The following SLC9A3 variants were observed in gnomAD, a reference collection of about 807,000 sequenced individuals.
SLC9A3 encodes the protein solute carrier family 9 member A3.
Under a neutral mutation model 86.8 loss-of-function variants are expected in SLC9A3, and 37 were observed. That is an observed-to-expected ratio of 0.43 (90% CI 0.33 to 0.56). The LOEUF is 0.56. Among genes scored for constraint, SLC9A3 ranks in the 20% least tolerant of loss-of-function variants. SLC9A3 has a pLI of 0.06. For synonymous variants in SLC9A3, 581 were observed against 528.3 expected (o/e 1.10, Z -1.37); for missense variants, 1,011 against 1,171.9 (o/e 0.86, Z 2.00).
At position 473,370 on chromosome 5, in the gene SLC9A3, G is replaced by A; in HGVS notation, c.*9C>T. On this transcript the variant is annotated 3_prime_UTR_variant, in exon 17 of 17. Transcript: ENST00000264938. ...CGAGCGGCCGGTTAGCGGCGTGTCG[G>A]AGCCGGTGTCACCTGCGGGAGAGGA... 7.0e-7 allele frequency: 1 copy of A among 1,419,044 alleles called. No individual in the cohort carries two copies. The highest frequency in any genetic ancestry group is 3.1e-5 in the East Asian group (1 of 32,404). 87.9% of individuals were successfully genotyped at this position (1,419,044 alleles called of 1,614,324 possible).
At position 471,969 on chromosome 5, in the gene SLC9A3, AAACGTG is replaced by A; in HGVS notation, c.*1404_*1409del. On this transcript the variant is annotated 3_prime_UTR_variant, in exon 17 of 17. Transcript: ENST00000264938. ...CTGGTGACTGTCAACACTTGATCTG[AAACGTG>A]AATAGTTTAATTTTCCTGAGCAAGG... 2.2e-6 allele frequency: 1 copy of A among 456,682 alleles called. No homozygotes were observed. The highest frequency in any genetic ancestry group is 2.3e-5 in the Admixed American group (1 of 42,584). 28.3% of individuals were successfully genotyped at this position (456,682 alleles called of 1,614,324 possible). A position where few individuals can be genotyped will look rare whatever the true frequency, so the allele number is the denominator to read the frequency against.
Position 484,772 on chromosome 5 carries a change from G to A in SLC9A3, c.755-75C>T, listed in dbSNP as rs112044208. 212 of 1,468,332 alleles carry A rather than the reference G, an allele frequency of 1.4e-4. No individual in the cohort carries two copies. The African/African-American group carries it at 2.2e-3, about 15-fold the overall frequency. The allele number at this position is 1,468,332 out of a possible 1,614,324, so 91.0% of individuals were successfully genotyped here. A position where few individuals can be genotyped will look rare whatever the true frequency, so the allele number is the denominator to read the frequency against. On this transcript the variant is annotated intron_variant, in intron 4 of 16. Coordinates refer to ENST00000264938, the MANE Select transcript of SLC9A3 (RefSeq NM_004174.4). ...TTGCCAGGGGCCGCCTGGTGACCCCGCGGAAGTGCCGGGAGCCCGGGAAAC... is the reference window on the plus strand; with the variant it reads ...TTGCCAGGGGCCGCCTGGTGACCCCACGGAAGTGCCGGGAGCCCGGGAAAC...
At chr5:489,852 C>T (rs990169708) in intron 2 of SLC9A3, among the ~76,000 whole-genome samples, 89 of 152,338 alleles carry the variant, frequency 5.8e-4, no homozygotes, top group Non-Finnish European at 2.6e-4. Flanking sequence ...TGCCCACGGC[C>T]GTGCCAGGAG....
Position 475,050 on chromosome 5 carries a change from C to T in SLC9A3, c.2334G>A (p.Gly778=), listed in dbSNP as rs2126602624. ...CCCTCTGCGAGGGGACCACCGTCTC[C>T]CCGGGAGACAGCCAGGGCGGCAGCC... ...LARLPPWLSP[G]ETVVPSQRAR... Residue 778 remains glycine (G), a synonymous_variant, in exon 16 of 17, where the codon GGG becomes GGA. Coordinates refer to ENST00000264938, the MANE Select transcript of SLC9A3 (RefSeq NM_004174.4). The T allele has an allele frequency of 1.2e-6, 2 of 1,612,318 alleles. No individual in the cohort carries two copies. Among genetic ancestry groups the T allele is most frequent in the East Asian group, 2.2e-5 (1 of 44,848 alleles).
intron 3 of SLC9A3, among the ~76,000 whole-genome samples, chr5:486,332 T>G (rs1013093019): frequency 1.3e-5 from 2 of 152,224 alleles, no homozygotes; most frequent in Non-Finnish European, 2.9e-5. Context: ...AGGGCCACTC[T>G]GCACGTGCCC....
intron 5 of SLC9A3, among the ~76,000 whole-genome samples, chr5:484,041 C>T (rs1053041785): frequency 4.6e-5 from 7 of 152,228 alleles, no homozygotes; most frequent in Admixed American, 4.6e-4. Flanking sequence ...CCCCGGTGTC[C>T]ATGCGGCTGG....
chr5:485,696 G>T (rs979058740), intron 3 of SLC9A3, among the ~76,000 whole-genome samples: 3 of 152,278 alleles, frequency 2.0e-5, no homozygotes, highest in Non-Finnish European at 4.4e-5. Context: ...GCCCAGCAAA[G>T]TGGTGACGCA....
chr5:507,005 A>G (rs1740611867), intron 1 of SLC9A3, among the ~76,000 whole-genome samples: 1 of 149,316 alleles, frequency 6.7e-6, no homozygotes, highest in African/African-American at 2.5e-5. Context: ...CGGGAGGTGG[A>G]GATTGTGGTG....
In SLC9A3 at chr5:476,663, A is replaced by G. The variant is rs536074225; in HGVS notation, c.1770T>C (p.Asn590=). 2.5e-5 allele frequency: 40 copies of G among 1,605,024 alleles called. No individual in the cohort carries two copies. The highest frequency in any genetic ancestry group is 1.7e-4 in the Middle Eastern group (1 of 6,036). Residue 590 remains asparagine, a synonymous_variant, in exon 12 of 17, where the codon AAT becomes AAC. Transcript: ENST00000264938. ...GCATGTCCAGGCAGACAGCGCTGAC[A>G]TTTTCTCTCCTGCGTGGGGACCAGC... The part of the protein sequence containing the change: ...EASVSYLLRE[N]VSAVCLDMQS...
At chr5:516,198 G>C (rs1031404971) in intron 1 of SLC9A3, among the ~76,000 whole-genome samples, 2 of 150,522 alleles carry the variant, frequency 1.3e-5, no homozygotes, top group African/African-American at 4.9e-5. Flanking sequence ...CTTCCTGACT[G>C]TCTTTGGTCC....
intron 6 of SLC9A3, among the ~76,000 whole-genome samples, chr5:483,024 T>C (rs1739290330): frequency 6.6e-6 from 1 of 151,954 alleles, no homozygotes; most frequent in Non-Finnish European, 1.5e-5. Flanking sequence ...GTTCCATCTC[T>C]CGTGCCACTG....
At chr5:504,747 A>AGG (rs1377241330) in intron 1 of SLC9A3, among the ~76,000 whole-genome samples, 2 of 152,174 alleles carry the variant, frequency 1.3e-5, no homozygotes, top group Non-Finnish European at 2.9e-5. Context: ...CTGAAGGGGA[A>AGG]GGGGTGTTCG....
chr5:472,922 G>A lies in SLC9A3; in HGVS notation c.*457C>T, dbSNP rs1202661482. ...TCCCGGCAGCGGTGGGAAAGGGCGC[G>A]AGCGGCCAGCCATGGCGCGCGGACC... On this transcript the variant is annotated 3_prime_UTR_variant, in exon 17 of 17. Coordinates refer to ENST00000264938, the MANE Select transcript of SLC9A3 (RefSeq NM_004174.4). 5 of 543,230 alleles carry A rather than the reference G, an allele frequency of 9.2e-6. 1 individual carries two copies. Among genetic ancestry groups the A allele is most frequent in the Admixed American group, 6.3e-5 (2 of 31,752 alleles). The allele number at this position is 543,230 out of a possible 1,614,324, so 33.7% of individuals were successfully genotyped here.
intron 1 of SLC9A3, among the ~76,000 whole-genome samples, chr5:519,813 G>T (rs187952560): frequency 6.6e-5 from 10 of 152,170 alleles, no homozygotes; most frequent in Admixed American, 1.3e-4. Context: ...CACAGTGGGG[G>T]TAACGCCGCT....
At chr5:520,129 G>A (rs373487050) in intron 1 of SLC9A3, among the ~76,000 whole-genome samples, 5 of 152,042 alleles carry the variant, frequency 3.3e-5, no homozygotes, top group Admixed American at 3.3e-4. Context: ...AACCCTCAAG[G>A]CGCCACCTCC....
chr5:483,442 C>A lies in SLC9A3; in HGVS notation c.973G>T (p.Ala325Ser). The part of the protein sequence containing the change: ...CGICCQKYVK[A>S]NISEQSATTV... The stretch of plus-strand genomic sequence containing the variant: ...GTGGCCGACTGCTCCGAGATGTTGG[C>A]CTTCACATACTTCTGACAGCAGATG... Residue 325 changes from alanine (A) to serine (S), a missense_variant, in exon 6 of 17, where the codon GCC becomes TCC. This residue lies in a region of SLC9A3 where 565 missense variants were observed against 790.0 expected (regional missense o/e 0.72). Transcript: ENST00000264938. 1 of 1,586,790 alleles carries A rather than the reference C, an allele frequency of 6.3e-7. No homozygotes were observed. The highest frequency in any genetic ancestry group is 8.6e-7 in the Non-Finnish European group (1 of 1,166,970).
In SLC9A3 at chr5:497,560, C is replaced by A. The variant is rs1432579736; in HGVS notation, c.212-5489G>T. On this transcript the variant is annotated intron_variant, in intron 1 of 16. Coordinates refer to ENST00000264938, the MANE Select transcript of SLC9A3 (RefSeq NM_004174.4). The surrounding 1 kb of genome is among the most constrained non-coding windows in gnomAD (Gnocchi z 5.4). ...GTCTGGTTGTCAGAATAAATTGTTT[C>A]CAACCAGGAAACAAGGATATCTCTT... is the stretch of plus-strand genomic sequence containing the variant. 1.3e-5 allele frequency among the ~76,000 whole-genome samples: 2 copies of A among 152,194 alleles called. No individual in the cohort carries two copies. The highest frequency in any genetic ancestry group is 4.8e-5 in the African/African-American group (2 of 41,424).
chr5:514,472 G>A (rs1733666794), intron 1 of SLC9A3, among the ~76,000 whole-genome samples: 1 of 152,224 alleles, frequency 6.6e-6, no homozygotes, highest in South Asian at 2.1e-4. Flanking sequence ...GGCCCATCGG[G>A]TCTTGCCTGT....
At chr5:503,503 C>T (rs1050690254) in intron 1 of SLC9A3, among the ~76,000 whole-genome samples, 9 of 152,204 alleles carry the variant, frequency 5.9e-5, no homozygotes, top group Non-Finnish European at 1.3e-4. Flanking sequence ...TGACAGTGAG[C>T]GAGGCCCCCA....
Sources: allele counts gnomAD v4.1 joint callset (sites outside exome capture counted in the v4.1 genomes callset), GRCh38; gene constraint gnomAD v4.1.1; regional missense constraint gnomAD v4.1.1; non-coding constraint Gnocchi (gnomAD v3.1); transcripts MANE v1.5; gene names NCBI Gene and HGNC (gene_info 2026-07-23, HGNC 2026-07-21).